Variants in MALRD1 observed in about 807,000 individuals in gnomAD.
MALRD1 encodes MAM and LDL receptor class A domain containing 1, also known as MAM and LDL-receptor class A domain-containing protein 1.
MALRD1 carries 247 observed loss-of-function variants against 242.1 expected under a neutral mutation model. That is an observed-to-expected ratio of 1.02 (90% CI 0.92 to 1.13). The LOEUF is 1.13. MALRD1 is among the 50% of genes most tolerant of loss of function. The pLI is 0.00. For synonymous variants in MALRD1, 995 were observed against 866.6 expected, an observed-to-expected ratio of 1.15 and a Z score of -2.60; for missense variants, 2,989 against 2,533.1, an observed-to-expected ratio of 1.18 and a Z score of -3.86.
chr10:19,582,316 G>C (rs1428704684), intron 33 of MALRD1, among the ~76,000 whole-genome samples: 1 of 151,008 alleles, frequency 6.6e-6, no homozygotes, highest in Non-Finnish European at 1.5e-5. Flanking sequence ...GTCCTGAATG[G>C]TATTGCCTAG....
At chr10:19,687,920 TATGTTATGTTATG>T (rs1842645907) in intron 36 of MALRD1, among the ~76,000 whole-genome samples, 5 of 23,304 alleles carry the variant, frequency 2.1e-4, no homozygotes, top group Admixed American at 7.4e-4. Context: ...AATGTTATGT[TATGTTATGTTATG>T]TTATGTTATG....
intron 9 of MALRD1, among the ~76,000 whole-genome samples, chr10:19,134,307 T>C (rs1324517409): frequency 1.3e-5 from 2 of 152,244 alleles, no homozygotes; most frequent in Non-Finnish European, 2.9e-5. Flanking sequence ...ATGTTTTGAA[T>C]GCAATAATTC....
chr10:19,307,198 G>C, intron 21 of MALRD1, among the ~76,000 whole-genome samples: 1 of 151,246 alleles, frequency 6.6e-6, no homozygotes, highest in East Asian at 2.0e-4. Context: ...TACTTTGGTC[G>C]GACATAACTA....
chr10:19,153,869 C>T (rs1834032769), intron 11 of MALRD1, among the ~76,000 whole-genome samples: 1 of 129,356 alleles, frequency 7.7e-6, no homozygotes, highest in African/African-American at 2.7e-5. Context: ...CTTCGTTAAC[C>T]TCTTGTTTGA....
At chr10:19,422,564 C>G (rs1833754506) in intron 28 of MALRD1, among the ~76,000 whole-genome samples, 1 of 152,108 alleles carries the variant, frequency 6.6e-6, no homozygotes, top group Non-Finnish European at 1.5e-5. Flanking sequence ...CCCAGAGATA[C>G]AGATTTAGAG....
At chr10:19,088,528 CTT>C (rs1377724357) in intron 4 of MALRD1, among the ~76,000 whole-genome samples, 3 of 113,470 alleles carry the variant, frequency 2.6e-5, no homozygotes, top group Admixed American at 8.4e-5. Flanking sequence ...CCAACTTCCT[CTT>C]TCTTTCTTTT....
intron 36 of MALRD1, among the ~76,000 whole-genome samples, chr10:19,622,303 A>T (rs2131626286): frequency 6.6e-6 from 1 of 151,930 alleles, no homozygotes; most frequent in African/African-American, 2.4e-5. Context: ...TAAAATTAGT[A>T]TTCTTAGATT....
Position 19,389,616 on chromosome 10 carries a change from A to C in MALRD1, c.4845+7A>C. 1 of 1,548,312 alleles carries C rather than the reference A, an allele frequency of 6.5e-7. No homozygotes were observed. Among genetic ancestry groups the C allele is most frequent in the Non-Finnish European group, 8.7e-7 (1 of 1,146,002 alleles). On this transcript the variant is annotated splice_region_variant and intron_variant, in intron 28 of 39. Transcript: ENST00000454679. ...CATTCAGATTCTCATCAAGGTAGGA[A>C]CATGGCCTGTGATGCCTCTGAGCTT...
In MALRD1 at chr10:19,305,006, T is replaced by C. The variant is rs191863487; in HGVS notation, c.3420-18943T>C. On this transcript the variant is annotated intron_variant, in intron 21 of 39. Coordinates refer to ENST00000454679, the MANE Select transcript of MALRD1 (RefSeq NM_001142308.3). ...AAAGCATCCCCAATCATTGAAGTCATTGCCTTCTGCTTCTTTCAGTGGTTC... is the reference window on the plus strand; with the variant it reads ...AAAGCATCCCCAATCATTGAAGTCACTGCCTTCTGCTTCTTTCAGTGGTTC... Among the ~76,000 whole-genome samples the C allele has an allele frequency of 7.2e-5, 11 of 151,858 alleles. No individual in the cohort carries two copies. The East Asian group carries it at 1.6e-3, about 22-fold the overall frequency.
chr10:19,116,928 C>G (rs1417947042), intron 5 of MALRD1, among the ~76,000 whole-genome samples: 1 of 151,902 alleles, frequency 6.6e-6, no homozygotes, highest in African/African-American at 2.4e-5. Flanking sequence ...AACCCTATCT[C>G]TACTAAAAAT....
chr10:19,226,753 A>G (rs1156294811), intron 18 of MALRD1, among the ~76,000 whole-genome samples: 1 of 152,098 alleles, frequency 6.6e-6, no homozygotes, highest in Non-Finnish European at 1.5e-5. Context: ...CATGTGATGT[A>G]AACATATACA....
At chr10:19,126,370 A>C (rs977252439) in intron 7 of MALRD1, among the ~76,000 whole-genome samples, 2 of 152,140 alleles carry the variant, frequency 1.3e-5, no homozygotes, top group African/African-American at 4.8e-5. Context: ...TTCACACTCC[A>C]TAACCTGACT....
chr10:19,591,055 C>T (rs1837753493), intron 33 of MALRD1, among the ~76,000 whole-genome samples: 1 of 152,170 alleles, frequency 6.6e-6, no homozygotes, highest in African/African-American at 2.4e-5. Flanking sequence ...CCTATTCATT[C>T]CTCCTTGCCC....
intron 32 of MALRD1, among the ~76,000 whole-genome samples, chr10:19,541,292 A>G (rs1443424526): frequency 6.6e-6 from 1 of 152,204 alleles, no homozygotes; most frequent in Non-Finnish European, 1.5e-5. Context: ...GATAGTATTT[A>G]AGAGACATAT....
chr10:19,602,532 T>G (rs1418244727), intron 34 of MALRD1, among the ~76,000 whole-genome samples: 1 of 152,036 alleles, frequency 6.6e-6, no homozygotes, highest in Non-Finnish European at 1.5e-5. Context: ...AACTCATCAT[T>G]TTTTACGGCT....
At chr10:19,568,221 A>T (rs1400221282) in intron 33 of MALRD1, among the ~76,000 whole-genome samples, 1 of 152,182 alleles carries the variant, frequency 6.6e-6, no homozygotes, top group Admixed American at 6.5e-5. Context: ...CTGAATTTCT[A>T]CTGTTTAAGA....
In MALRD1 at chr10:19,083,256, C is replaced by T. The variant is rs76942640; in HGVS notation, c.341-4584C>T. Among the ~76,000 whole-genome samples the T allele has an allele frequency of 2.7e-3, 414 of 152,128 alleles. 1 individual carries two copies. The highest frequency in any genetic ancestry group is 9.5e-3 in the African/African-American group (396 of 41,548). On this transcript the variant is annotated intron_variant, in intron 2 of 39. Coordinates refer to ENST00000454679, the MANE Select transcript of MALRD1 (RefSeq NM_001142308.3). ...TATGTTGGGGTGCACTTTCCATGCTCATCCAGGCAGCTGATAACTCTGCAT... is the reference window on the plus strand; with the variant it reads ...TATGTTGGGGTGCACTTTCCATGCTTATCCAGGCAGCTGATAACTCTGCAT...
chr10:19,715,117 C>T, intron 38 of MALRD1, among the ~76,000 whole-genome samples: 1 of 152,066 alleles, frequency 6.6e-6, no homozygotes. Context: ...CCTATACTGA[C>T]CATTCTTAAA....
chr10:19,146,368 A>AC, intron 11 of MALRD1, 24 bp downstream of exon 11: 1 of 1,228,238 alleles, frequency 8.1e-7, no homozygotes, highest in Non-Finnish European at 1.0e-6. Flanking sequence ...CTCTTTAAAA[A>AC]AAAATAGTTT....
Sources: gnomAD v4.1 joint callset for allele counts (sites outside exome capture counted in the v4.1 genomes callset) on GRCh38, gnomAD v4.1.1 for gene constraint, MANE v1.5 for transcripts, NCBI Gene and HGNC (gene_info 2026-07-23, HGNC 2026-07-21) for gene names.